The following PIGK variants were observed in gnomAD, a reference collection of about 807,000 sequenced individuals.
PIGK encodes phosphatidylinositol glycan anchor biosynthesis class K.
A neutral mutation model predicts 50.6 loss-of-function variants in PIGK; 42 were observed. The observed-to-expected ratio is 0.83, with a 90% confidence interval of 0.65 to 1.07. PIGK has a LOEUF of 1.07. Ranked by LOEUF, PIGK falls within the 50% of genes least tolerant of loss-of-function variation. The pLI is 0.00. For synonymous variants in PIGK, 151 were observed against 156.0 expected (o/e 0.97, Z 0.24); for missense variants, 448 against 488.7 (o/e 0.92, Z 0.78).
chr1:77,141,741 T>G (rs1252666232), intron 9 of PIGK, among the ~76,000 whole-genome samples: 1 of 152,074 alleles, frequency 6.6e-6, no homozygotes, highest in Non-Finnish European at 1.5e-5. Context: ...TTAAACAATA[T>G]TTACTATATT....
At chr1:77,177,128 C>A (rs917221929) in intron 3 of PIGK, among the ~76,000 whole-genome samples, 1 of 152,168 alleles carries the variant, frequency 6.6e-6, no homozygotes, top group Admixed American at 6.5e-5. Flanking sequence ...CTCTCCCATC[C>A]AAGTGGGCTG....
At chr1:77,108,952 A>G (rs1653768099) in intron 10 of PIGK, among the ~76,000 whole-genome samples, 1 of 152,156 alleles carries the variant, frequency 6.6e-6, no homozygotes, top group African/African-American at 2.4e-5. Flanking sequence ...CAGGTCATTT[A>G]AGGACTTCTC....
intron 10 of PIGK, 148 bp downstream of exon 10, chr1:77,122,127 A>C (rs1296575466): frequency 2.2e-6 from 1 of 460,596 alleles, no homozygotes; most frequent in African/African-American, 2.0e-5. Context: ...GGGACTTTCA[A>C]CTGTAATAGG....
intron 10 of PIGK, among the ~76,000 whole-genome samples, chr1:77,120,815 T>G (rs1654079873): frequency 6.6e-6 from 1 of 152,194 alleles, no homozygotes; most frequent in African/African-American, 2.4e-5. Context: ...GCTACTGAAT[T>G]TTAATATAAT....
intron 3 of PIGK, among the ~76,000 whole-genome samples, chr1:77,191,393 TAGTC>T (rs752172015): frequency 7.9e-5 from 12 of 152,214 alleles, no homozygotes; most frequent in Non-Finnish European, 1.5e-4. Flanking sequence ...TGTACTGACT[TAGTC>T]AGTCTCCCTA....
chr1:77,161,460 T>G, intron 7 of PIGK, 55 bp from the exon 8 acceptor site: 1 of 1,165,268 alleles, frequency 8.6e-7, no homozygotes, highest in East Asian at 2.3e-5. Flanking sequence ...ACAAAATGTT[T>G]TAAATGTAAC....
At chr1:77,138,924 T>C (rs555775392) in intron 9 of PIGK, among the ~76,000 whole-genome samples, 1 of 152,222 alleles carries the variant, frequency 6.6e-6, no homozygotes, top group South Asian at 2.1e-4. Flanking sequence ...ACTGATTACA[T>C]ATTCCCAGGG....
chr1:77,090,937 GA>G lies in PIGK; in HGVS notation c.*1436del, dbSNP rs1332493963. The stretch of plus-strand genomic sequence containing the variant: ...TAACACAGTCAATCCTTTGCCTTTT[GA>G]AAAGTATGACAATCTTGCATGCAAT... On this transcript the variant is annotated 3_prime_UTR_variant, in exon 11 of 11. Transcript: ENST00000370812. 6.6e-6 allele frequency: 1 copy of G among 152,110 alleles called. No individual in the cohort carries two copies. The highest frequency in any genetic ancestry group is 2.4e-5 in the African/African-American group (1 of 41,410). 9.4% of individuals were successfully genotyped at this position (152,110 alleles called of 1,614,324 possible).
At chr1:77,148,076 A>G (rs1293218715) in intron 9 of PIGK, among the ~76,000 whole-genome samples, 3 of 152,200 alleles carry the variant, frequency 2.0e-5, no homozygotes, top group Admixed American at 2.0e-4. Flanking sequence ...GTCAATTTTA[A>G]TAACAGTGTG....
At chr1:77,215,270 G>A (rs1032926070) in intron 1 of PIGK, among the ~76,000 whole-genome samples, 13 of 152,020 alleles carry the variant, frequency 8.6e-5, no homozygotes, top group African/African-American at 2.4e-4. Flanking sequence ...CAAAGGATCT[G>A]AATAGATATT....
At chr1:77,194,348 C>T (rs559769809) in intron 3 of PIGK, among the ~76,000 whole-genome samples, 1 of 151,784 alleles carries the variant, frequency 6.6e-6, no homozygotes, top group East Asian at 1.9e-4. Context: ...ATAAGTCATT[C>T]TACTTTGCTG....
chr1:77,128,250 G>A (rs1396070144), intron 9 of PIGK, among the ~76,000 whole-genome samples: 1 of 152,112 alleles, frequency 6.6e-6, no homozygotes, highest in Non-Finnish European at 1.5e-5. Flanking sequence ...CTTTAAAGAA[G>A]CACAAGAAAG....
At chr1:77,107,321 TA>T (rs1653709058) in intron 10 of PIGK, among the ~76,000 whole-genome samples, 1 of 152,242 alleles carries the variant, frequency 6.6e-6, no homozygotes, top group South Asian at 2.1e-4. Flanking sequence ...AGAACATCTT[TA>T]TTTCTGCCTT....
intron 3 of PIGK, among the ~76,000 whole-genome samples, chr1:77,195,778 TATAG>T (rs1163095143): frequency 6.6e-6 from 1 of 152,012 alleles, no homozygotes; most frequent in Non-Finnish European, 1.5e-5. Flanking sequence ...ATACAGAATA[TATAG>T]AATCTAGATA....
chr1:77,188,796 G>A (rs990558842), intron 3 of PIGK, among the ~76,000 whole-genome samples: 20 of 152,234 alleles, frequency 1.3e-4, no homozygotes, highest in South Asian at 4.1e-4. Flanking sequence ...TTCTCAAGCC[G>A]GCCGATGCTT....
intron 3 of PIGK, among the ~76,000 whole-genome samples, chr1:77,179,209 G>A (rs1655556408): frequency 6.6e-6 from 1 of 152,184 alleles, no homozygotes; most frequent in Non-Finnish European, 1.5e-5. Context: ...CTGTTCTACT[G>A]TTTCCCAGTG....
At chr1:77,174,791 C>G (rs563589024) in intron 3 of PIGK, among the ~76,000 whole-genome samples, 1 of 152,252 alleles carries the variant, frequency 6.6e-6, no homozygotes, top group South Asian at 2.1e-4. Flanking sequence ...GCTGTGCCTG[C>G]TTATTATATT....
chr1:77,109,252 C>T (rs1027499065), intron 10 of PIGK, among the ~76,000 whole-genome samples: 8 of 152,218 alleles, frequency 5.3e-5, no homozygotes, highest in Non-Finnish European at 1.2e-4. Context: ...CTCCCTAACT[C>T]ATTTTATGAG....
intron 8 of PIGK, among the ~76,000 whole-genome samples, chr1:77,156,528 C>T (rs1655011982): frequency 6.6e-6 from 1 of 152,188 alleles, no homozygotes; most frequent in South Asian, 2.1e-4. Context: ...ATTATTCCAA[C>T]TTCTGTGTAT....
Sources: gnomAD v4.1 joint callset for allele counts (sites outside exome capture counted in the v4.1 genomes callset) on GRCh38, gnomAD v4.1.1 for gene constraint, MANE v1.5 for transcripts, NCBI Gene and HGNC (gene_info 2026-07-23, HGNC 2026-07-21) for gene names.